Variants in MAST4 observed in about 807,000 individuals in gnomAD.
The protein encoded by MAST4 is microtubule-associated serine/threonine-protein kinase 4.
In MAST4, 89 loss-of-function variants were observed where a neutral mutation model predicts 162.7. That is an observed-to-expected ratio of 0.55 (90% CI 0.46 to 0.65). The LOEUF (loss-of-function observed/expected upper bound fraction) is 0.65. Among genes scored for constraint, MAST4 ranks in the 30% least tolerant of loss-of-function variants. MAST4 has a pLI of 0.00. For missense variants in MAST4, 3,153 were observed against 3,374.0 expected, an observed-to-expected ratio of 0.93 and a Z score of 1.62; for synonymous variants, 1,479 against 1,361.1, an observed-to-expected ratio of 1.09 and a Z score of -1.91.
intron 4 of MAST4, among the ~76,000 whole-genome samples, chr5:67,052,868 T>C (rs1758355953): frequency 6.6e-6 from 1 of 152,194 alleles, no homozygotes; most frequent in African/African-American, 2.4e-5. Flanking sequence ...CAAGTTAATA[T>C]ATTTAATATT....
intron 1 of MAST4, among the ~76,000 whole-genome samples, chr5:66,692,138 C>A (rs749969207): frequency 6.6e-6 from 1 of 152,108 alleles, no homozygotes; most frequent in Non-Finnish European, 1.5e-5. Context: ...TTTTTGCACT[C>A]TCTCTCACAC....
intron 3 of MAST4, among the ~76,000 whole-genome samples, chr5:66,807,750 C>T (rs900173030): frequency 5.3e-5 from 8 of 152,158 alleles, no homozygotes; most frequent in Admixed American, 1.3e-4. Flanking sequence ...ATTTCCTCCT[C>T]GCCCTCTCCC....
chr5:66,723,950 C>T (rs1751364561), intron 1 of MAST4, among the ~76,000 whole-genome samples: 1 of 152,148 alleles, frequency 6.6e-6, no homozygotes, highest in Non-Finnish European at 1.5e-5. Context: ...GACTACCTCA[C>T]TATACCCCCA....
At chr5:66,687,640 C>G (rs1239310396) in intron 1 of MAST4, among the ~76,000 whole-genome samples, 1 of 12,042 alleles carries the variant, frequency 8.3e-5, no homozygotes, top group Non-Finnish European at 1.2e-4. Context: ...GTGTGTTTAT[C>G]TATCTATCTA....
chr5:67,121,628 T>C (rs1767606920), intron 14 of MAST4, among the ~76,000 whole-genome samples: 1 of 151,076 alleles, frequency 6.6e-6, no homozygotes, highest in Admixed American at 6.6e-5. Context: ...AGAAGAACTG[T>C]CTCGGGCCAC....
chr5:66,967,891 A>G (rs1243164700), intron 4 of MAST4, among the ~76,000 whole-genome samples: 2 of 151,870 alleles, frequency 1.3e-5, no homozygotes, highest in African/African-American at 4.8e-5. Flanking sequence ...AACCATAACC[A>G]CTCAGAATTT....
chr5:67,116,170 C>T (rs1375079733), intron 12 of MAST4, among the ~76,000 whole-genome samples: 2 of 149,094 alleles, frequency 1.3e-5, no homozygotes, highest in Non-Finnish European at 3.0e-5. Flanking sequence ...AATTTAAGAT[C>T]TAAGGCTAGT....
Position 67,136,630 on chromosome 5 carries a change from C to T in MAST4, c.2460C>T (p.Leu820=), listed in dbSNP as rs1769682437. 4 of 1,604,092 alleles carry T rather than the reference C, an allele frequency of 2.5e-6. No individual in the cohort carries two copies. The East Asian group carries it at 9.0e-5, about 36-fold the overall frequency. The change falls in exon 19 of 29, where the codon CTC becomes CTT. Residue 820 remains leucine (L), a synonymous_variant. Coordinates refer to ENST00000403625, the MANE Select transcript of MAST4 (RefSeq NM_001164664.2). ...PPDAQDLITL[L]LRQNPLERLG... ...ATGCCCAGGATCTGATTACCTTACT[C>T]CTCAGGCAGAATCCCCTGGAGAGGC...
At chr5:67,043,170 G>A (rs977737114) in intron 4 of MAST4, among the ~76,000 whole-genome samples, 47 of 152,066 alleles carry the variant, frequency 3.1e-4, no homozygotes, top group African/African-American at 1.0e-3. Context: ...TATTTTTTTG[G>A]TTAGTGATTA....
At chr5:67,107,147 A>G (rs1026148804) in intron 10 of MAST4, among the ~76,000 whole-genome samples, 2 of 152,182 alleles carry the variant, frequency 1.3e-5, no homozygotes, top group Admixed American at 6.5e-5. Context: ...GTCCCAGGAT[A>G]TTACCATAGT....
At position 66,873,820 on chromosome 5, in the gene MAST4, A is replaced by T. The variant is rs25839; in HGVS notation, c.643-26131A>T. Among the ~76,000 whole-genome samples, 223 of 152,274 alleles carry T rather than the reference A, an allele frequency of 1.5e-3. 7 individuals carry two copies. In the East Asian group the frequency reaches 0.038, roughly 26 times the overall value. ...CGACTGCTATTTCTCAATCCTAAAAATCTCTCTACACATGTCATTCCTTAT... is the reference window on the plus strand; with the variant it reads ...CGACTGCTATTTCTCAATCCTAAAATTCTCTCTACACATGTCATTCCTTAT... On this transcript the variant is annotated intron_variant, in intron 3 of 28. Transcript: ENST00000403625.
At chr5:66,728,050 T>C (rs967335413) in intron 1 of MAST4, among the ~76,000 whole-genome samples, 1 of 152,146 alleles carries the variant, frequency 6.6e-6, no homozygotes, top group Non-Finnish European at 1.5e-5. Context: ...TACCATATAC[T>C]GGGTTTGATT....
At chr5:66,634,717 AG>A (rs2149426106) in intron 1 of MAST4, among the ~76,000 whole-genome samples, 1 of 152,304 alleles carries the variant, frequency 6.6e-6, no homozygotes, top group East Asian at 1.9e-4. Flanking sequence ...GAGCAATGGA[AG>A]TTGTTTACAC....
At chr5:67,061,507 CAGTG>C (rs1437424372) in intron 5 of MAST4, among the ~76,000 whole-genome samples, 1 of 151,190 alleles carries the variant, frequency 6.6e-6, no homozygotes, top group Non-Finnish European at 1.5e-5. Context: ...CTTTTTATAA[CAGTG>C]AGGGTTTTTT....
intron 4 of MAST4, among the ~76,000 whole-genome samples, chr5:66,989,947 C>T (rs1338033438): frequency 1.3e-5 from 2 of 152,104 alleles, no homozygotes; most frequent in Non-Finnish European, 2.9e-5. Flanking sequence ...TCTTGATCTC[C>T]ACCTTAGGGC....
chr5:66,877,052 GAA>G (rs1227897403), intron 3 of MAST4, among the ~76,000 whole-genome samples: 2 of 152,168 alleles, frequency 1.3e-5, no homozygotes, highest in Non-Finnish European at 2.9e-5. Flanking sequence ...CAGATATAGA[GAA>G]AGATTGCTTG....
chr5:66,948,830 T>C (rs543151511), intron 4 of MAST4, among the ~76,000 whole-genome samples: 1 of 152,256 alleles, frequency 6.6e-6, no homozygotes, highest in South Asian at 2.1e-4. Context: ...CTTTGTCAAG[T>C]ATTTATTGAG....
At chr5:66,724,701 C>T (rs910369676) in intron 1 of MAST4, among the ~76,000 whole-genome samples, 1 of 152,024 alleles carries the variant, frequency 6.6e-6, no homozygotes, top group African/African-American at 2.4e-5. Context: ...GTACTGAATA[C>T]TGTAAGCAGT....
intron 4 of MAST4, among the ~76,000 whole-genome samples, chr5:67,020,638 G>T (rs1753857166): frequency 6.6e-6 from 1 of 152,212 alleles, no homozygotes; most frequent in Non-Finnish European, 1.5e-5. Flanking sequence ...CCCTTCTCAT[G>T]TAGTAGAAAG....
Sources: gnomAD v4.1 joint callset for allele counts (sites outside exome capture counted in the v4.1 genomes callset) on GRCh38, gnomAD v4.1.1 for gene constraint, MANE v1.5 for transcripts, NCBI Gene and HGNC (gene_info 2026-07-23, HGNC 2026-07-21) for gene names.